Variants in RAB7B observed in about 807,000 individuals in gnomAD.
The protein encoded by RAB7B is ras-related protein Rab-7b.
At chr1:205,994,809 T>A (rs1254652007) in intron 1 of RAB7B, among the ~76,000 whole-genome samples, 1 of 152,178 alleles carries the variant, frequency 6.6e-6, no homozygotes, top group Non-Finnish European at 1.5e-5. Flanking sequence ...CACTGTACTG[T>A]TTATAAACAT....
intron 1 of RAB7B, among the ~76,000 whole-genome samples, chr1:206,000,506 G>A (rs907152582): frequency 1.3e-5 from 2 of 152,212 alleles, no homozygotes; most frequent in African/African-American, 2.4e-5. Flanking sequence ...TGTGGCCTTG[G>A]ATGGGTTACT....
intron 4 of RAB7B, among the ~76,000 whole-genome samples, chr1:205,987,992 ACCT>A (rs1240864357): frequency 2.0e-5 from 3 of 152,020 alleles, no homozygotes; most frequent in East Asian, 1.9e-4. Flanking sequence ...TGATTCTCCC[ACCT>A]CAGCCTCCCA....
chr1:206,001,872 A>C (rs1660898450), intron 1 of RAB7B, among the ~76,000 whole-genome samples: 1 of 151,892 alleles, frequency 6.6e-6, no homozygotes, highest in South Asian at 2.1e-4. Flanking sequence ...CTTCCCTCTC[A>C]TTTCTCACTT....
At position 205,978,785 on chromosome 1, in the gene RAB7B, C is replaced by A; in HGVS notation, c.*66G>T. On this transcript the variant is annotated 3_prime_UTR_variant, in exon 6 of 6. Coordinates refer to ENST00000617070, the MANE Select transcript of RAB7B (RefSeq NM_001164522.3). ...CTGGAGGGGGATGGTCACCTGTTCTCAAGCCTGGGGTGACCAGGCTCGGGG... is the reference window on the plus strand; with the variant it reads ...CTGGAGGGGGATGGTCACCTGTTCTAAAGCCTGGGGTGACCAGGCTCGGGG... The A allele has an allele frequency of 2.5e-6, 1 of 398,384 alleles. No individual in the cohort carries two copies. Among genetic ancestry groups the A allele is most frequent in the South Asian group, 1.3e-4 (1 of 7,784 alleles). 24.7% of individuals were successfully genotyped at this position (398,384 alleles called of 1,614,324 possible).
chr1:205,992,995 G>A (rs1308039787), intron 3 of RAB7B, among the ~76,000 whole-genome samples: 1 of 152,164 alleles, frequency 6.6e-6, no homozygotes, highest in Non-Finnish European at 1.5e-5. Flanking sequence ...TGGACCTCGG[G>A]AATGTCTTGC....
intron 1 of RAB7B, among the ~76,000 whole-genome samples, chr1:205,996,244 A>G (rs1232000300): frequency 6.6e-6 from 1 of 152,046 alleles, no homozygotes; most frequent in Non-Finnish European, 1.5e-5. Flanking sequence ...TGTTTCACCC[A>G]TATATGCACA....
chr1:205,987,042 C>T (rs1328288399), intron 4 of RAB7B, among the ~76,000 whole-genome samples: 16 of 152,090 alleles, frequency 1.1e-4, no homozygotes, highest in African/African-American at 3.9e-4. Context: ...CTCATTTTTC[C>T]CTGCTCTCTG....
chr1:205,986,662 G>C (rs1660613436), intron 4 of RAB7B, among the ~76,000 whole-genome samples: 1 of 152,240 alleles, frequency 6.6e-6, no homozygotes, highest in Non-Finnish European at 1.5e-5. Context: ...AAATGCTCTG[G>C]AAGCCCTCTG....
At chr1:205,985,809 G>GCCCACCAGGCCCACCATC (rs1660592917) in intron 4 of RAB7B, 144 bp from the exon 5 acceptor site, 15 of 131,354 alleles carry the variant, frequency 1.1e-4, no homozygotes, top group Non-Finnish European at 1.3e-4. Flanking sequence ...TCCCCACCAG[G>GCCCACCAGGCCCACCATC]CCCACCAGGC....
chr1:205,993,075 T>C (rs1170407840), intron 3 of RAB7B, among the ~76,000 whole-genome samples: 5 of 152,242 alleles, frequency 3.3e-5, no homozygotes, highest in Non-Finnish European at 5.9e-5. Flanking sequence ...CCTGGATTAA[T>C]GTCCTTCCTT....
intron 5 of RAB7B, 115 bp downstream of exon 5, chr1:205,985,425 A>T: frequency 2.5e-6 from 1 of 397,274 alleles, no homozygotes. Context: ...GACGATGAGC[A>T]ATCCTGTCCC....
chr1:205,985,795 ACCATCCCCACCAGGCCCAC>A, intron 4 of RAB7B, 130 bp from the exon 5 acceptor site: 2 of 402,132 alleles, frequency 5.0e-6, no homozygotes, highest in African/African-American at 2.3e-5. Context: ...CACCAGGCCC[ACCATCCCCACCAGGCCCAC>A]CAGGCCCACC....
At chr1:205,980,606 C>A (rs1225913695) in intron 5 of RAB7B, among the ~76,000 whole-genome samples, 3 of 152,210 alleles carry the variant, frequency 2.0e-5, no homozygotes, top group Non-Finnish European at 4.4e-5. Context: ...AGTGGCCTTG[C>A]CTTAAGTCCT....
chr1:205,990,793 T>TTTC (rs1553275456), intron 4 of RAB7B, among the ~76,000 whole-genome samples: 1 of 146,772 alleles, frequency 6.8e-6, no homozygotes, highest in Non-Finnish European at 1.5e-5. Context: ...CTTTCTTTCT[T>TTTC]TTTTTTTTTT....
At chr1:206,002,679 T>C in intron 1 of RAB7B, among the ~76,000 whole-genome samples, 1 of 152,350 alleles carries the variant, frequency 6.6e-6, no homozygotes. Context: ...GCCCAATGGA[T>C]ACCTGGGTCA....
chr1:205,977,839 C>A lies in RAB7B; in HGVS notation c.*1012G>T, dbSNP rs1311382346. ...AATGCCACCTCCTCAGGGAAGCCCT[C>A]CTGGACCACTTCATCTAAAATAGCA... On this transcript the variant is annotated 3_prime_UTR_variant, in exon 6 of 6. Coordinates refer to ENST00000617070, the MANE Select transcript of RAB7B (RefSeq NM_001164522.3). 3 of 152,364 alleles carry A rather than the reference C, an allele frequency of 2.0e-5. No individual in the cohort carries two copies. Among genetic ancestry groups the A allele is most frequent in the Middle Eastern group, 3.4e-3 (1 of 294 alleles). The allele number at this position is 152,364 out of a possible 1,614,324, so 9.4% of individuals were successfully genotyped here. A position where few individuals can be genotyped will look rare whatever the true frequency, so the allele number is the denominator to read the frequency against.
chr1:205,994,645 C>G (rs1391504303), intron 1 of RAB7B, among the ~76,000 whole-genome samples: 3 of 152,208 alleles, frequency 2.0e-5, no homozygotes, highest in Non-Finnish European at 4.4e-5. Flanking sequence ...CTCTCTAATG[C>G]AGCTGGCGGG....
intron 5 of RAB7B, among the ~76,000 whole-genome samples, chr1:205,979,891 C>T (rs1369176295): frequency 2.6e-5 from 4 of 152,178 alleles, no homozygotes; most frequent in Non-Finnish European, 5.9e-5. Flanking sequence ...GGGGTGCTGC[C>T]TCCTTGTCTC....
chr1:205,980,534 C>T (rs1660470140), intron 5 of RAB7B, among the ~76,000 whole-genome samples: 1 of 152,216 alleles, frequency 6.6e-6, no homozygotes, highest in Non-Finnish European at 1.5e-5. Flanking sequence ...CCAATGCTTG[C>T]AGCATTTCAG....
Sources: allele counts gnomAD v4.1 joint callset (sites outside exome capture counted in the v4.1 genomes callset), GRCh38; gene constraint gnomAD v4.1.1; transcripts MANE v1.5; gene names NCBI Gene and HGNC (gene_info 2026-07-23, HGNC 2026-07-21).